The following CXCR4 variants were observed in gnomAD, a reference collection of about 807,000 sequenced individuals.
CXCR4 encodes C-X-C motif chemokine receptor 4.
CXCR4 carries 6 observed loss-of-function variants against 22.4 expected under a neutral mutation model. That is an observed-to-expected ratio of 0.27 (90% CI 0.15 to 0.53). The LOEUF is 0.53. Ranked by LOEUF, CXCR4 falls within the 20% of genes least tolerant of loss-of-function variation. CXCR4 has a pLI of 0.96. For synonymous variants in CXCR4, 155 were observed against 171.7 expected (o/e 0.90, Z 0.76); for missense variants, 300 against 430.4 (o/e 0.70, Z 2.68).
In CXCR4 at chr2:136,115,224, C is replaced by A; in HGVS notation, c.704G>T (p.Arg235Leu). ...KLSHSKGHQK[R>L]KALKTTVILI... ...GATGACTGTGGTCTTGAGGGCCTTGCGCTTCTGGTGGCCCTTGGAGTGTGA... is the reference window on the plus strand; with the variant it reads ...GATGACTGTGGTCTTGAGGGCCTTGAGCTTCTGGTGGCCCTTGGAGTGTGA... Residue 235 changes from arginine (R) to leucine (L), a missense_variant, in exon 2 of 2, where the codon CGC becomes CTC. This residue lies in a region of CXCR4 where 137 missense variants were observed against 153.2 expected (regional missense o/e 0.89). Coordinates refer to ENST00000241393, the MANE Select transcript of CXCR4 (RefSeq NM_003467.3). The surrounding 1 kb of genome is among the most constrained non-coding windows in gnomAD (Gnocchi z 6.4). 3.1e-6 allele frequency: 5 copies of A among 1,613,998 alleles called. No individual in the cohort carries two copies. Among genetic ancestry groups the A allele is most frequent in the South Asian group, 1.1e-5 (1 of 91,064 alleles).
rs1354401492 is a variant in CXCR4 at position 136,115,393 on chromosome 2, C to G, written c.535G>C (p.Glu179Gln). Reference protein sequence around the residue: ...IPDFIFANVSEADDRYICDRF... With the variant: ...IPDFIFANVSQADDRYICDRF... ...TCACAGATATATCTGTCATCTGCCT[C>G]ACTGACGTTGGCAAAGATGAAGTCG... Residue 179 changes from glutamate (E) to glutamine (Q), a missense_variant, in exon 2 of 2, where the codon GAG becomes CAG. Around this residue, in one of 3 missense-constraint regions of CXCR4, gnomAD observed 137 missense variants for 153.2 expected, o/e 0.89. Transcript: ENST00000241393. This position sits in a 1 kb window ranked among gnomAD's most constrained non-coding sequence, Gnocchi z 6.4. The G allele has an allele frequency of 6.2e-7, 1 of 1,614,184 alleles. No individual in the cohort carries two copies. The highest frequency in any genetic ancestry group is 8.5e-7 in the Non-Finnish European group (1 of 1,180,034).
chr2:136,117,113 T>C (rs945249930), intron 1 of CXCR4, among the ~76,000 whole-genome samples: 1 of 152,308 alleles, frequency 6.6e-6, no homozygotes, highest in African/African-American at 2.4e-5. Context: ...GCCAAACGGT[T>C]TCCCCACTTG....
At chr2:136,116,380 G>T in intron 1 of CXCR4, 1 of 255,824 alleles carries the variant, frequency 3.9e-6, no homozygotes, top group Non-Finnish European at 6.7e-6. Flanking sequence ...GAAGAGGGGA[G>T]AAGGGAGGAT....
chr2:136,116,100 C>A, intron 1 of CXCR4, 188 bp from the exon 2 acceptor site: 1 of 1,496,040 alleles, frequency 6.7e-7, no homozygotes. Flanking sequence ...CATCTTTTCC[C>A]ATAGTGACTT....
chr2:136,117,945 A>G, intron 1 of CXCR4, 101 bp downstream of exon 1: 2 of 900,982 alleles, frequency 2.2e-6, no homozygotes, highest in Admixed American at 2.4e-5. Flanking sequence ...GAGTACGGGT[A>G]CCTCCAATGT....
At chr2:136,116,516 G>A (rs1684897099) in intron 1 of CXCR4, among the ~76,000 whole-genome samples, 1 of 152,164 alleles carries the variant, frequency 6.6e-6, no homozygotes, top group Admixed American at 6.5e-5. Context: ...TAAAGAGAAT[G>A]CGGTCTTAAA....
In CXCR4 at chr2:136,115,232, G is replaced by C; in HGVS notation, c.696C>G (p.His232Gln). Reference protein sequence around the residue: ...IISKLSHSKGHQKRKALKTTV... With the variant: ...IISKLSHSKGQQKRKALKTTV... ...TGGTCTTGAGGGCCTTGCGCTTCTG[G>C]TGGCCCTTGGAGTGTGACAGCTTGG... The change falls in exon 2 of 2, where the codon CAC becomes CAG. Residue 232 changes from histidine to glutamine, a missense_variant. Transcript: ENST00000241393. The surrounding 1 kb of genome is among the most constrained non-coding windows in gnomAD (Gnocchi z 6.4). 6.2e-7 allele frequency: 1 copy of C among 1,614,110 alleles called. No individual in the cohort carries two copies. Among genetic ancestry groups the C allele is most frequent in the South Asian group, 1.1e-5 (1 of 91,066 alleles).
At chr2:136,117,926 C>A in intron 1 of CXCR4, 120 bp downstream of exon 1, 2 of 612,478 alleles carry the variant, frequency 3.3e-6, no homozygotes, top group Non-Finnish European at 5.4e-6. Flanking sequence ...TTTCGGTGAC[C>A]CTTTTTTGGA....
At position 136,115,607 on chromosome 2, in the gene CXCR4, G is replaced by T. The variant is rs777078340; in HGVS notation, c.321C>A (p.Phe107Leu). 2.5e-6 allele frequency: 4 copies of T among 1,613,854 alleles called. No homozygotes were observed. Among genetic ancestry groups the T allele is most frequent in the Non-Finnish European group, 3.4e-6 (4 of 1,179,956 alleles). Reference sequence around the variant, plus strand: ...AGATGACATGGACTGCCTTGCATAGGAAGTTCCCAAAGTACCAGTTTGCCA... The same window carrying T: ...AGATGACATGGACTGCCTTGCATAGTAAGTTCCCAAAGTACCAGTTTGCCA... ...DAVANWYFGN[F>L]LCKAVHVIYT... The change falls in exon 2 of 2, where the codon TTC (phenylalanine) becomes TTA (leucine). Residue 107 changes from phenylalanine to leucine, a missense_variant. This residue lies in a region of CXCR4 where 118 missense variants were observed against 188.2 expected (regional missense o/e 0.63). Transcript: ENST00000241393. This position sits in a 1 kb window ranked among gnomAD's most constrained non-coding sequence, Gnocchi z 6.4.
intron 1 of CXCR4, among the ~76,000 whole-genome samples, chr2:136,116,529 G>C (rs929950385): frequency 6.6e-5 from 10 of 152,130 alleles, no homozygotes; most frequent in African/African-American, 2.2e-4. Flanking sequence ...GTCTTAAAAC[G>C]AAGGCCCTTC....
chr2:136,116,268 TACAC>T, intron 1 of CXCR4: 7 of 1,155,898 alleles, frequency 6.1e-6, no homozygotes, highest in South Asian at 2.0e-5. Flanking sequence ...AAAAAAAAAA[TACAC>T]ACAAAGAGGC....
At chr2:136,117,867 G>GCGCCCCC in intron 1 of CXCR4, 179 bp downstream of exon 1, 1 of 179,656 alleles carries the variant, frequency 5.6e-6, no homozygotes, top group Non-Finnish European at 1.2e-5. Context: ...TTCCAATCCT[G>GCGCCCCC]CTCCCCCCCC....
intron 1 of CXCR4, among the ~76,000 whole-genome samples, chr2:136,117,165 C>T (rs1188134273): frequency 6.6e-6 from 1 of 152,248 alleles, no homozygotes; most frequent in African/African-American, 2.4e-5. Context: ...AGCCCAGGTG[C>T]GGTCTTAACC....
In CXCR4 at chr2:136,118,072, G is replaced by A. The variant is rs374847203; in HGVS notation, c.-12C>T. On this transcript the variant is annotated 5_prime_UTR_variant, in exon 1 of 2. Coordinates refer to ENST00000241393, the MANE Select transcript of CXCR4 (RefSeq NM_003467.3). ...CTGATCCCCTCCATGGTAACCGCTG[G>A]TTCTCCAGATGCGGTGGCTACTGGA... The A allele has an allele frequency of 4.1e-4, 668 of 1,613,660 alleles. 10 individuals carry two copies. The South Asian group carries it at 5.1e-3, about 12-fold the overall frequency.
chr2:136,114,788 T>C lies in CXCR4; in HGVS notation c.*81A>G. ...ACAAGCAATAAAAACTGTACAATATTGGTCAGTCTTTTATATCTGAAAAAT... is the reference window on the plus strand; with the variant it reads ...ACAAGCAATAAAAACTGTACAATATCGGTCAGTCTTTTATATCTGAAAAAT... On this transcript the variant is annotated 3_prime_UTR_variant, in exon 2 of 2. Coordinates refer to ENST00000241393, the MANE Select transcript of CXCR4 (RefSeq NM_003467.3). The C allele has an allele frequency of 1.6e-6, 2 of 1,247,496 alleles. No homozygotes were observed. Among genetic ancestry groups the C allele is most frequent in the Non-Finnish European group, 2.3e-6 (2 of 876,574 alleles). The allele number at this position is 1,247,496 out of a possible 1,614,324, so 77.3% of individuals were successfully genotyped here. A position where few individuals can be genotyped will look rare whatever the true frequency, so the allele number is the denominator to read the frequency against.
intron 1 of CXCR4, 164 bp downstream of exon 1, chr2:136,117,882 A>ACCCCCCCCCCCC: frequency 9.0e-6 from 1 of 110,668 alleles, no homozygotes; most frequent in Non-Finnish European, 1.8e-5. Context: ...CCCCCCACCC[A>ACCCCCCCCCCCC]CCCGCACTAT....
At chr2:136,116,195 A>C (rs1684883817) in intron 1 of CXCR4, 3 of 1,344,862 alleles carry the variant, frequency 2.2e-6, no homozygotes, top group South Asian at 3.1e-5. Context: ...TTTCAAAGTC[A>C]CATCTTGGCT....
intron 1 of CXCR4, 177 bp downstream of exon 1, chr2:136,117,869 T>TCCCCACCC: frequency 5.9e-6 from 1 of 170,812 alleles, no homozygotes; most frequent in Non-Finnish European, 1.2e-5. Context: ...CCAATCCTGC[T>TCCCCACCC]CCCCCCCCAC....
intron 1 of CXCR4, chr2:136,116,345 G>T: frequency 5.3e-6 from 3 of 567,210 alleles, no homozygotes; most frequent in Non-Finnish European, 7.0e-6. Context: ...TTAACTTTTT[G>T]TAAGAAGTTT....
Sources: gnomAD v4.1 joint callset for allele counts (sites outside exome capture counted in the v4.1 genomes callset) on GRCh38, gnomAD v4.1.1 for gene constraint, gnomAD v4.1.1 regional missense constraint, Gnocchi (gnomAD v3.1) non-coding constraint, MANE v1.5 for transcripts, NCBI Gene and HGNC (gene_info 2026-07-23, HGNC 2026-07-21) for gene names.